FOSL2: variants seen among roughly 807,000 people sequenced by gnomAD.
FOSL2 encodes FOS like 2, AP-1 transcription factor subunit.
FOSL2 carries 3 observed loss-of-function variants against 27.7 expected under a neutral mutation model. That is an observed-to-expected ratio of 0.11 (90% CI 0.05 to 0.28). FOSL2 has a LOEUF of 0.28. Ranked by LOEUF, FOSL2 falls within the 10% of genes least tolerant of loss-of-function variation. FOSL2 has a pLI of 1.00. For synonymous variants in FOSL2, 179 were observed against 190.1 expected (o/e 0.94, Z 0.48); for missense variants, 333 against 445.1 (o/e 0.75, Z 2.27).
chr2:28,401,223 C>T (rs75806448), intron 1 of FOSL2, among the ~76,000 whole-genome samples: 6,408 of 142,772 alleles, frequency 0.045, 444 homozygotes, highest in African/African-American at 0.15. Context: ...GCACAACAGA[C>T]TCTCCTTGGG....
intron 1 of FOSL2, among the ~76,000 whole-genome samples, chr2:28,398,281 A>G (rs1404133737): frequency 6.6e-6 from 1 of 152,194 alleles, no homozygotes; most frequent in Non-Finnish European, 1.5e-5. Flanking sequence ...TCCAAACCCC[A>G]TCTGGTAATT....
At position 28,412,787 on chromosome 2, in the gene FOSL2, A is replaced by G. The variant is rs1664230395; in HGVS notation, c.*339A>G. On this transcript the variant is annotated 3_prime_UTR_variant, in exon 4 of 4. Coordinates refer to ENST00000264716, the MANE Select transcript of FOSL2 (RefSeq NM_005253.4). This position sits in a 1 kb window ranked among gnomAD's most constrained non-coding sequence, Gnocchi z 7.1. ...ACCATTCCTGTCCCTTTGTTACCAT[A>G]CTGTCTCTGGAGTGATGGTGTCCTT... The G allele has an allele frequency of 1.0e-5, 3 of 288,402 alleles. No individual in the cohort carries two copies. In the South Asian group the frequency reaches 2.1e-4, roughly 20 times the overall value. The allele number at this position is 288,402 out of a possible 1,614,324, so 17.9% of individuals were successfully genotyped here.
In FOSL2 at chr2:28,413,453, G is replaced by A. The variant is rs1664250510; in HGVS notation, c.*1005G>A. ...CCGGGCTCCGCCTTTCCCCCACCCT[G>A]GCTCTCAGGGTGACGCCACCCACAG... On this transcript the variant is annotated 3_prime_UTR_variant, in exon 4 of 4. Coordinates refer to ENST00000264716, the MANE Select transcript of FOSL2 (RefSeq NM_005253.4). 2 of 398,608 alleles carry A rather than the reference G, an allele frequency of 5.0e-6. No individual in the cohort carries two copies. Among genetic ancestry groups the A allele is most frequent in the Non-Finnish European group, 8.8e-6 (2 of 226,182 alleles). 24.7% of individuals were successfully genotyped at this position (398,608 alleles called of 1,614,324 possible).
rs145499484 is a variant in FOSL2, at chr2:28,412,060, G to A, written c.593G>A (p.Arg198His). Reference sequence around the variant, plus strand: ...GTGTGCAAGATTAGCCCCGAGGAGCGCCGATCGCCCCCAGCCCCTGGGCTG... The same window carrying A: ...GTGTGCAAGATTAGCCCCGAGGAGCACCGATCGCCCCCAGCCCCTGGGCTG... The part of the protein sequence containing the change: ...GPVCKISPEE[R>H]RSPPAPGLQP... The change falls in exon 4 of 4, where the codon CGC becomes CAC. Residue 198 changes from arginine (R) to histidine (H), a missense_variant. By Grantham distance (29) the Arg-to-His change is conservative. Transcript: ENST00000264716. The surrounding 1 kb of genome is among the most constrained non-coding windows in gnomAD (Gnocchi z 7.1). 226 of 1,608,268 alleles carry A rather than the reference G, an allele frequency of 1.4e-4. 1 individual carries two copies. The East Asian group carries it at 3.9e-3, about 28-fold the overall frequency.
chr2:28,411,144 T>G (rs1291905553), intron 3 of FOSL2, among the ~76,000 whole-genome samples: 1 of 148,134 alleles, frequency 6.8e-6, no homozygotes, highest in African/African-American at 2.5e-5. Flanking sequence ...AGTGAGACTC[T>G]GTCTCAAAAA....
chr2:28,410,344 C>T (rs1664165864), intron 3 of FOSL2: 1 of 155,460 alleles, frequency 6.4e-6, no homozygotes, highest in Non-Finnish European at 1.4e-5. Context: ...CCCGGAATAG[C>T]CCTGCCCCCT....
rs568544298 is a variant in FOSL2 at position 28,409,710 on chromosome 2, G to A, written c.462+844G>A. Among the ~76,000 whole-genome samples, 19 of 152,324 alleles carry A rather than the reference G, an allele frequency of 1.2e-4. No homozygotes were observed. The South Asian group carries it at 3.7e-3, about 30-fold the overall frequency. On this transcript the variant is annotated intron_variant, in intron 3 of 3. Coordinates refer to ENST00000264716, the MANE Select transcript of FOSL2 (RefSeq NM_005253.4). ...CCTCACAGTGACTGCCCAGGATGGG[G>A]CTTTGGAAAACATCCCCTCACACTT...
rs1280286445 is a variant in FOSL2 at position 28,412,019 on chromosome 2, G to A, written c.552G>A (p.Leu184=). The part of the protein sequence containing the change: ...QKEKEKLEFM[L]VAHGPVCKIS... ...AGAAGGAGAAGCTGGAGTTCATGTT[G>A]GTGGCTCACGGCCCAGTGTGCAAGA... is the stretch of plus-strand genomic sequence containing the variant. Residue 184 remains leucine, a synonymous_variant, in exon 4 of 4, where the codon TTG becomes TTA. Transcript: ENST00000264716. The surrounding 1 kb of genome is among the most constrained non-coding windows in gnomAD (Gnocchi z 7.1). 6.8e-6 allele frequency: 11 copies of A among 1,612,848 alleles called. No individual in the cohort carries two copies. Among genetic ancestry groups the A allele is most frequent in the East Asian group, 2.2e-5 (1 of 44,860 alleles).
Position 28,393,597 on chromosome 2 carries a change from G to C in FOSL2, c.-124G>C, listed in dbSNP as rs1224905289. ...CCTCCGCGGTGGGGGAGAAACCCAG[G>C]AGCGAAGCCCAGAGCCCGCGGCGCG... is the stretch of plus-strand genomic sequence containing the variant. On this transcript the variant is annotated 5_prime_UTR_variant, in exon 1 of 4. Coordinates refer to ENST00000264716, the MANE Select transcript of FOSL2 (RefSeq NM_005253.4). This position sits in a 1 kb window ranked among gnomAD's most constrained non-coding sequence, Gnocchi z 4.6. The C allele has an allele frequency of 1.5e-6, 1 of 675,268 alleles. No homozygotes were observed. The highest frequency in any genetic ancestry group is 1.9e-5 in the South Asian group (1 of 52,664). 41.8% of individuals were successfully genotyped at this position (675,268 alleles called of 1,614,324 possible). A position where few individuals can be genotyped will look rare whatever the true frequency, so the allele number is the denominator to read the frequency against.
At chr2:28,407,140 G>T (rs1040966220) in intron 2 of FOSL2, among the ~76,000 whole-genome samples, 1 of 152,222 alleles carries the variant, frequency 6.6e-6, no homozygotes. Context: ...CTTGAACTGG[G>T]TCAAGGCCAG....
At chr2:28,411,275 G>A (rs1457324497) in intron 3 of FOSL2, among the ~76,000 whole-genome samples, 1 of 152,190 alleles carries the variant, frequency 6.6e-6, no homozygotes, top group Non-Finnish European at 1.5e-5. Flanking sequence ...GGATACAGGA[G>A]TGTGCATGAC....
At chr2:28,403,041 C>G (rs991304054) in intron 1 of FOSL2, among the ~76,000 whole-genome samples, 1 of 152,124 alleles carries the variant, frequency 6.6e-6, no homozygotes, top group Non-Finnish European at 1.5e-5. Context: ...GAAGAAACTA[C>G]TTGGAGAAGC....
Position 28,393,642 on chromosome 2 carries a change from C to G in FOSL2, c.-79C>G, listed in dbSNP as rs1206789077. 27 of 1,103,336 alleles carry G rather than the reference C, an allele frequency of 2.4e-5. No individual in the cohort carries two copies. The highest frequency in any genetic ancestry group is 3.6e-5 in the Non-Finnish European group (27 of 756,454). 68.3% of individuals were successfully genotyped at this position (1,103,336 alleles called of 1,614,324 possible). A position where few individuals can be genotyped will look rare whatever the true frequency, so the allele number is the denominator to read the frequency against. ...GGCGCGGCCGGCGGACGAACGAGCG[C>G]GCAGCAGCCGGTGCGCGGCCGCGGC... On this transcript the variant is annotated 5_prime_UTR_variant, in exon 1 of 4. Transcript: ENST00000264716. This position sits in a 1 kb window ranked among gnomAD's most constrained non-coding sequence, Gnocchi z 4.6.
chr2:28,404,647 G>A lies in FOSL2; in HGVS notation c.354+289G>A, dbSNP rs983422959. Among the ~76,000 whole-genome samples, 7 of 152,306 alleles carry A rather than the reference G, an allele frequency of 4.6e-5. No individual in the cohort carries two copies. Among genetic ancestry groups the A allele is most frequent in the Middle Eastern group, 6.8e-3 (2 of 294 alleles). ...CAAGCCAGGACTTGGCTACAGATGGGAAGGACCATTACGACCTGCCCACAG... is the reference window on the plus strand; with the variant it reads ...CAAGCCAGGACTTGGCTACAGATGGAAAGGACCATTACGACCTGCCCACAG... On this transcript the variant is annotated intron_variant, in intron 2 of 3. Coordinates refer to ENST00000264716, the MANE Select transcript of FOSL2 (RefSeq NM_005253.4). The surrounding 1 kb of genome is among the most constrained non-coding windows in gnomAD (Gnocchi z 4.7).
chr2:28,396,815 C>CACACACACACACACACAA (rs1553376569), intron 1 of FOSL2: 89 of 151,742 alleles, frequency 5.9e-4, no homozygotes, highest in African/African-American at 2.0e-3. Context: ...CACACACACA[C>CACACACACACACACACAA]ACACACACAC....
intron 3 of FOSL2, among the ~76,000 whole-genome samples, chr2:28,410,182 G>A (rs183016820): frequency 5.9e-5 from 9 of 152,350 alleles, no homozygotes; most frequent in Non-Finnish European, 1.2e-4. Context: ...GGCCCTCGGA[G>A]GTGTTAGAGC....
intron 1 of FOSL2, chr2:28,396,838 A>ACACAAACACACACACACACACACAC (rs1663854590): frequency 6.7e-6 from 1 of 150,372 alleles, no homozygotes; most frequent in African/African-American, 2.5e-5. Flanking sequence ...ACACACACAC[A>ACACAAACACACACACACACACACAC]AAATTCCCCA....
At position 28,396,807 on chromosome 2, in the gene FOSL2, C is replaced by CACACACACACAA. The variant is rs1476663924; in HGVS notation, c.102+2996_102+2997insAACACACACACA. 330 of 149,604 alleles carry CACACACACACAA rather than the reference C, an allele frequency of 2.2e-3. 3 individuals carry two copies. The highest frequency in any genetic ancestry group is 7.6e-3 in the African/African-American group (306 of 40,046). 9.3% of individuals were successfully genotyped at this position (149,604 alleles called of 1,614,324 possible). A position where few individuals can be genotyped will look rare whatever the true frequency, so the allele number is the denominator to read the frequency against. On this transcript the variant is annotated intron_variant, in intron 1 of 3. Transcript: ENST00000264716. ...TTCCCAAGACACACACACACACACA[C>CACACACACACAA]ACACACACACACACACACACACACA...
Position 28,413,179 on chromosome 2 carries a change from C to T in FOSL2, c.*731C>T, listed in dbSNP as rs780850361. Reference sequence around the variant, plus strand: ...CCTTCGGAGACGGCTTCTGGAGGAACGGCTTGGCCAGAAGACAGGGTGTGA... The same window carrying T: ...CCTTCGGAGACGGCTTCTGGAGGAATGGCTTGGCCAGAAGACAGGGTGTGA... On this transcript the variant is annotated 3_prime_UTR_variant, in exon 4 of 4. Transcript: ENST00000264716. 3.6e-4 allele frequency: 92 copies of T among 256,774 alleles called. 1 individual carries two copies. The highest frequency in any genetic ancestry group is 5.9e-4 in the Non-Finnish European group (80 of 136,344). 15.9% of individuals were successfully genotyped at this position (256,774 alleles called of 1,614,324 possible). A position where few individuals can be genotyped will look rare whatever the true frequency, so the allele number is the denominator to read the frequency against.
Sources: gnomAD v4.1 joint callset for allele counts (sites outside exome capture counted in the v4.1 genomes callset) on GRCh38, gnomAD v4.1.1 for gene constraint, Gnocchi (gnomAD v3.1) non-coding constraint, MANE v1.5 for transcripts, NCBI Gene and HGNC (gene_info 2026-07-23, HGNC 2026-07-21) for gene names.